The following WDR64 variants were observed in gnomAD, a reference collection of about 807,000 sequenced individuals.
WDR64 encodes WD repeat-containing protein 64.
In WDR64, 112 loss-of-function variants were observed where a neutral mutation model predicts 139.3. The observed-to-expected ratio is 0.80, with a 90% confidence interval of 0.69 to 0.94. WDR64 has a LOEUF of 0.94. WDR64 is among the 40% of genes least tolerant of loss of function. The probability of loss-of-function intolerance (pLI) is 0.00; values close to 1 mark genes in which losing one functional copy is unlikely to be tolerated. For missense variants in WDR64, 1,206 were observed against 1,293.1 expected (o/e 0.93, Z 1.03); for synonymous variants, 444 against 437.7 (o/e 1.01, Z -0.18).
intron 8 of WDR64, among the ~76,000 whole-genome samples, chr1:241,693,623 T>C (rs1161484760): frequency 6.6e-6 from 1 of 152,104 alleles, no homozygotes; most frequent in Non-Finnish European, 1.5e-5. Flanking sequence ...CGGGAGAGAC[T>C]GTGCATGTGT....
Position 241,671,100 on chromosome 1 carries a change from A to C in WDR64, c.303A>C (p.Glu101Asp). 1 of 1,550,564 alleles carries C rather than the reference A, an allele frequency of 6.4e-7. No homozygotes were observed. Among genetic ancestry groups the C allele is most frequent in the Non-Finnish European group, 8.7e-7 (1 of 1,146,648 alleles). Residue 101 changes from glutamate to aspartate, a missense_variant, in exon 3 of 28, where the codon GAA (glutamate) becomes GAC (aspartate). Glu to Asp is a conservative substitution (Grantham distance 45). Coordinates refer to ENST00000437684, the MANE Select transcript of WDR64 (RefSeq NM_001367482.1). ...CEIFGYFSSE[E>D]DPIASQLDEE... ...TCTTTGGATACTTCTCCTCTGAAGA[A>C]GATCCTATTGCTTCCCAGTTGGATG... is the stretch of plus-strand genomic sequence containing the variant.
chr1:241,702,127 A>G (rs1667737137), intron 8 of WDR64, among the ~76,000 whole-genome samples: 1 of 152,262 alleles, frequency 6.6e-6, no homozygotes, highest in Non-Finnish European at 1.5e-5. Context: ...GTTGCAAGAC[A>G]TAAGCTGAAC....
intron 12 of WDR64, among the ~76,000 whole-genome samples, chr1:241,742,664 G>T (rs1243514409): frequency 6.6e-6 from 1 of 152,168 alleles, no homozygotes; most frequent in East Asian, 1.9e-4. Flanking sequence ...AGCCCTAAGG[G>T]GTTGTTTATG....
chr1:241,763,215 G>A (rs550303676), intron 15 of WDR64, among the ~76,000 whole-genome samples: 135 of 151,722 alleles, frequency 8.9e-4, no homozygotes, highest in Non-Finnish European at 1.6e-3. Context: ...AATTGTGTAG[G>A]TACCAAAAAA....
intron 21 of WDR64, among the ~76,000 whole-genome samples, chr1:241,778,999 T>A (rs1397958743): frequency 6.6e-6 from 1 of 152,168 alleles, no homozygotes; most frequent in East Asian, 1.9e-4. Context: ...TTTTTAAACC[T>A]ATATCATTTT....
chr1:241,798,657 A>G (rs948771745), intron 27 of WDR64, among the ~76,000 whole-genome samples: 1 of 152,188 alleles, frequency 6.6e-6, no homozygotes, highest in Non-Finnish European at 1.5e-5. Context: ...AATATTCATC[A>G]TGTCCCCTGC....
chr1:241,720,647 G>T (rs1668575514), intron 9 of WDR64, among the ~76,000 whole-genome samples: 1 of 151,972 alleles, frequency 6.6e-6, no homozygotes, highest in African/African-American at 2.4e-5. Context: ...TTTTAATGGG[G>T]TAGTTTTTGT....
At chr1:241,708,932 A>G (rs1480238377) in intron 8 of WDR64, among the ~76,000 whole-genome samples, 2 of 152,116 alleles carry the variant, frequency 1.3e-5, no homozygotes, top group Non-Finnish European at 2.9e-5. Context: ...TGACCTAGGT[A>G]AAGTTAAGAT....
At chr1:241,770,574 A>C in intron 17 of WDR64, 47 bp from the exon 18 acceptor site, 1 of 1,497,558 alleles carries the variant, frequency 6.7e-7, no homozygotes, top group Non-Finnish European at 9.1e-7. Flanking sequence ...TGAGTATGGT[A>C]GCATATCTTA....
rs200495535 is a variant in WDR64, at chr1:241,782,277, ACT to A, written c.2596-992_2596-991del. Among the ~76,000 whole-genome samples the A allele has an allele frequency of 3.2e-4, 49 of 152,274 alleles. No individual in the cohort carries two copies. The East Asian group carries it at 8.3e-3, about 26-fold the overall frequency. ...CACTGCAGCCTGGCAACAGAGCGAGACTCTGTCTCAAAAGAAGAAAAAAGAAC... is the reference window on the plus strand; with the variant it reads ...CACTGCAGCCTGGCAACAGAGCGAGACTGTCTCAAAAGAAGAAAAAAGAAC... On this transcript the variant is annotated intron_variant, in intron 22 of 27. Transcript: ENST00000437684.
At chr1:241,728,097 C>T (rs1355548039) in intron 10 of WDR64, among the ~76,000 whole-genome samples, 1 of 151,960 alleles carries the variant, frequency 6.6e-6, no homozygotes, top group Non-Finnish European at 1.5e-5. Flanking sequence ...CTTTGGGAGG[C>T]TGAGGTGGGT....
intron 14 of WDR64, among the ~76,000 whole-genome samples, chr1:241,753,078 C>G (rs936659373): frequency 2.0e-5 from 3 of 152,128 alleles, no homozygotes; most frequent in Admixed American, 6.5e-5. Flanking sequence ...TATGAAGTAA[C>G]AGAGGCCTTA....
chr1:241,700,509 A>G (rs1053968894), intron 8 of WDR64, among the ~76,000 whole-genome samples: 3 of 152,168 alleles, frequency 2.0e-5, no homozygotes, highest in South Asian at 2.1e-4. Flanking sequence ...TAGAGGAAGA[A>G]TGTTTGAGAA....
intron 23 of WDR64, 60 bp from the exon 24 acceptor site, chr1:241,787,789 A>G: frequency 7.0e-7 from 1 of 1,431,272 alleles, no homozygotes. Flanking sequence ...TCTAATGAAC[A>G]GAATAACTTT....
intron 27 of WDR64, among the ~76,000 whole-genome samples, chr1:241,799,202 C>CAAAAAAAAAACAAAAAAAAAA (rs1659451147): frequency 3.0e-5 from 1 of 33,326 alleles, no homozygotes; most frequent in African/African-American, 1.5e-4. Flanking sequence ...TTTGTCTCTC[C>CAAAAAAAAAACAAAAAAAAAA]AAAAAAAAAA....
chr1:241,667,980 G>T lies in WDR64; in HGVS notation c.277-3094G>T, dbSNP rs533662347. On this transcript the variant is annotated intron_variant, in intron 2 of 27. Transcript: ENST00000437684. The stretch of plus-strand genomic sequence containing the variant: ...TACAACCAACAGAAAACAAAATGTA[G>T]CTAGAAGAGGAATTCAAACTCAACA... Among the ~76,000 whole-genome samples the T allele has an allele frequency of 1.1e-4, 16 of 152,322 alleles. No individual in the cohort carries two copies. In the South Asian group the frequency reaches 3.3e-3, roughly 32 times the overall value.
intron 3 of WDR64, among the ~76,000 whole-genome samples, chr1:241,672,444 G>C (rs944107775): frequency 2.0e-4 from 31 of 152,182 alleles, no homozygotes; most frequent in Admixed American, 1.8e-3. Context: ...TATTTTTCTA[G>C]ATGGCAGTTG....
In WDR64 at chr1:241,727,402, A is replaced by G. The variant is rs537133914; in HGVS notation, c.1194+3966A>G. Reference sequence around the variant, plus strand: ...TATTTCTTTTAAATGTAATGAGTGTATTAAGATGATACTCATTCATGCATC... The same window carrying G: ...TATTTCTTTTAAATGTAATGAGTGTGTTAAGATGATACTCATTCATGCATC... On this transcript the variant is annotated intron_variant, in intron 10 of 27. Transcript: ENST00000437684. 1.4e-3 allele frequency among the ~76,000 whole-genome samples: 207 copies of G among 152,326 alleles called. 1 individual carries two copies. Among genetic ancestry groups the G allele is most frequent in the African/African-American group, 4.8e-3 (199 of 41,568 alleles).
chr1:241,795,254 A>C lies in WDR64; in HGVS notation c.3045A>C (p.Ala1015=), dbSNP rs1238766201. The C allele has an allele frequency of 6.2e-7, 1 of 1,613,908 alleles. No homozygotes were observed. Among genetic ancestry groups the C allele is most frequent in the South Asian group, 1.1e-5 (1 of 91,030 alleles). ...GTTTCGTGACTGAAAACAGAGAGGC[A>C]GGGATTGTTTTCGGCTCTCTGCCTA... The part of the protein sequence containing the change: ...LEGFVTENRE[A]GIVFGSLPIY... Residue 1015 remains alanine, a synonymous_variant, in exon 26 of 28, where the codon GCA becomes GCC. Coordinates refer to ENST00000437684, the MANE Select transcript of WDR64 (RefSeq NM_001367482.1).
Sources: gnomAD v4.1 joint callset for allele counts (sites outside exome capture counted in the v4.1 genomes callset) on GRCh38, gnomAD v4.1.1 for gene constraint, MANE v1.5 for transcripts, NCBI Gene and HGNC (gene_info 2026-07-23, HGNC 2026-07-21) for gene names.